Variants in CADM4 observed in about 807,000 individuals in gnomAD.
CADM4 encodes TSLC1-like 2.
Under a neutral mutation model 43.9 loss-of-function variants are expected in CADM4, and 13 were observed. The observed-to-expected ratio is 0.30, with a 90% CI of 0.19 to 0.47. The LOEUF is 0.47. Among genes scored for constraint, CADM4 ranks in the 20% least tolerant of loss-of-function variants. CADM4 has a pLI of 1.00. For synonymous variants in CADM4, 209 were observed against 220.9 expected, an observed-to-expected ratio of 0.95 and a Z score of 0.48; for missense variants, 420 against 527.0, an observed-to-expected ratio of 0.80 and a Z score of 1.99.
rs761491656 is a variant in CADM4 at position 43,623,286 on chromosome 19, G to C, written c.*44C>G. 6.9e-7 allele frequency: 1 copy of C among 1,457,298 alleles called. No individual in the cohort carries two copies. Among genetic ancestry groups the C allele is most frequent in the South Asian group, 1.1e-5 (1 of 88,074 alleles). The allele number at this position is 1,457,298 out of a possible 1,614,324, so 90.3% of individuals were successfully genotyped here. A position where few individuals can be genotyped will look rare whatever the true frequency, so the allele number is the denominator to read the frequency against. On this transcript the variant is annotated 3_prime_UTR_variant, in exon 9 of 9. Transcript: ENST00000222374. This position sits in a 1 kb window ranked among gnomAD's most constrained non-coding sequence, Gnocchi z 4.4. The stretch of plus-strand genomic sequence containing the variant: ...GTTCCTTGCAGCTGGCAGTGGGGGG[G>C]ACCCCAGCCCAGGCCCAGGCCTAGG...
rs1215346353 is a variant in CADM4, at chr19:43,624,994, A to C, written c.928+84T>G. 2.2e-6 allele frequency: 3 copies of C among 1,379,184 alleles called. No individual in the cohort carries two copies. In the African/African-American group the frequency reaches 4.4e-5, roughly 20 times the overall value. 85.4% of individuals were successfully genotyped at this position (1,379,184 alleles called of 1,614,324 possible). ...AACTCTGTTGGCTGCCGAACCCCTG[A>C]GTTATGTGGCCTCTTTGCTCAAGCC... On this transcript the variant is annotated intron_variant, in intron 7 of 8. Transcript: ENST00000222374.
chr19:43,629,906 C>T (rs1358972336), intron 1 of CADM4, among the ~76,000 whole-genome samples: 2 of 151,652 alleles, frequency 1.3e-5, no homozygotes, highest in Non-Finnish European at 2.9e-5. Context: ...TGCGACCCAC[C>T]GCGCCTGGCC....
Position 43,624,186 on chromosome 19 carries a change from T to A in CADM4, c.985A>T (p.Ile329Phe), listed in dbSNP as rs1031144171. The part of the protein sequence containing the change: ...TSVPYAIVGG[I>F]LALLVFLIIC... Reference sequence around the variant, plus strand: ...ATCAGAAACACCAGCAGCGCCAGGATGCCGCCCACAATGGCATAGGGAACC... The same window carrying A: ...ATCAGAAACACCAGCAGCGCCAGGAAGCCGCCCACAATGGCATAGGGAACC... Residue 329 changes from isoleucine to phenylalanine, a missense_variant, in exon 8 of 9, where the codon ATC becomes TTC. Coordinates refer to ENST00000222374, the MANE Select transcript of CADM4 (RefSeq NM_145296.2). 54 of 1,614,080 alleles carry A rather than the reference T, an allele frequency of 3.3e-5. No homozygotes were observed. The highest frequency in any genetic ancestry group is 4.5e-5 in the Non-Finnish European group (53 of 1,180,046).
Position 43,627,600 on chromosome 19 carries a change from CCTCTCT to C in CADM4, c.211+38_211+43del. 6.3e-7 allele frequency: 1 copy of C among 1,581,230 alleles called. No individual in the cohort carries two copies. Among genetic ancestry groups the C allele is most frequent in the Non-Finnish European group, 8.7e-7 (1 of 1,154,826 alleles). ...AGGACATGGGAGCCTGGGCCCCAGC[CCTCTCT>C]TCCTTTAAGACTCCTGAGTCTGGTC... On this transcript the variant is annotated intron_variant, in intron 2 of 8. Transcript: ENST00000222374. This position sits in a 1 kb window ranked among gnomAD's most constrained non-coding sequence, Gnocchi z 4.0.
At chr19:43,624,002 A>G (rs1600093891) in intron 8 of CADM4, 112 bp downstream of exon 8, 11 of 1,368,566 alleles carry the variant, frequency 8.0e-6, no homozygotes, top group Admixed American at 2.3e-5. Flanking sequence ...GTGCGGCGGG[A>G]TTTGGAATCC....
At chr19:43,624,801 A>G (rs1162164135) in intron 7 of CADM4, 2 of 470,576 alleles carry the variant, frequency 4.3e-6, no homozygotes, top group African/African-American at 2.0e-5. Context: ...ACCACCTTAC[A>G]TATTTAGTTC....
At position 43,625,581 on chromosome 19, in the gene CADM4, T is replaced by TAAA. The variant is rs765076336; in HGVS notation, c.755+329_755+330insTTT. ...AGACCCCGTCACTACAATTAAAAAA[T>TAAA]AATAATAATAATAATAATAATTCTA... On this transcript the variant is annotated intron_variant, in intron 6 of 8. Coordinates refer to ENST00000222374, the MANE Select transcript of CADM4 (RefSeq NM_145296.2). This position sits in a 1 kb window ranked among gnomAD's most constrained non-coding sequence, Gnocchi z 4.5. Among the ~76,000 whole-genome samples the TAAA allele has an allele frequency of 6.6e-6, 1 of 150,876 alleles. No individual in the cohort carries two copies. Among genetic ancestry groups the TAAA allele is most frequent in the Non-Finnish European group, 1.5e-5 (1 of 67,800 alleles).
Position 43,624,123 on chromosome 19 carries a change from G to A in CADM4, c.1048C>T (p.Arg350Trp). 6.2e-7 allele frequency: 1 copy of A among 1,614,096 alleles called. No homozygotes were observed. The highest frequency in any genetic ancestry group is 8.5e-7 in the Non-Finnish European group (1 of 1,180,000). ...VLVGMVWCSV[R>W]QKGSYLTHEA... Reference sequence around the variant, plus strand: ...GCCCCGTCCCACTCACCCTTCTGCCGTACCGAGCACCAGACCATGCCCACT... The same window carrying A: ...GCCCCGTCCCACTCACCCTTCTGCCATACCGAGCACCAGACCATGCCCACT... Residue 350 changes from arginine (R) to tryptophan (W), a missense_variant, in exon 8 of 9, where the codon CGG becomes TGG. Coordinates refer to ENST00000222374, the MANE Select transcript of CADM4 (RefSeq NM_145296.2).
chr19:43,627,469 AC>A lies in CADM4; in HGVS notation c.212-152del. On this transcript the variant is annotated intron_variant, in intron 2 of 8. Transcript: ENST00000222374. The surrounding 1 kb of genome is among the most constrained non-coding windows in gnomAD (Gnocchi z 4.0). The stretch of plus-strand genomic sequence containing the variant: ...TGTCCAACTATTTACTCCCTTGAGG[AC>A]CCAGCATTATTCAAGTCCTCCTGCC... 8.2e-7 allele frequency: 1 copy of A among 1,214,646 alleles called. No individual in the cohort carries two copies. The highest frequency in any genetic ancestry group is 2.6e-5 in the East Asian group (1 of 38,676). The allele number at this position is 1,214,646 out of a possible 1,614,324, so 75.2% of individuals were successfully genotyped here. A position where few individuals can be genotyped will look rare whatever the true frequency, so the allele number is the denominator to read the frequency against.
intron 1 of CADM4, among the ~76,000 whole-genome samples, chr19:43,630,955 G>A (rs1434756409): frequency 6.6e-6 from 1 of 152,154 alleles, no homozygotes; most frequent in African/African-American, 2.4e-5. Context: ...TGAGCATCAC[G>A]TAGGTTTTCA....
In CADM4 at chr19:43,626,315, A is replaced by G; in HGVS notation, c.500-27T>C. On this transcript the variant is annotated intron_variant, in intron 4 of 8. Coordinates refer to ENST00000222374, the MANE Select transcript of CADM4 (RefSeq NM_145296.2). The surrounding 1 kb of genome is among the most constrained non-coding windows in gnomAD (Gnocchi z 5.9). ...TGCCACACCCCGGTCAGACACTGTCAGGCCACAATTCCGGCTCCATCCACC... is the reference window on the plus strand; with the variant it reads ...TGCCACACCCCGGTCAGACACTGTCGGGCCACAATTCCGGCTCCATCCACC... 1 of 1,603,884 alleles carries G rather than the reference A, an allele frequency of 6.2e-7. No individual in the cohort carries two copies. The highest frequency in any genetic ancestry group is 8.5e-7 in the Non-Finnish European group (1 of 1,176,804).
intron 1 of CADM4, among the ~76,000 whole-genome samples, chr19:43,631,435 G>C (rs182120211): frequency 1.3e-5 from 2 of 152,102 alleles, no homozygotes; most frequent in East Asian, 3.9e-4. Flanking sequence ...GGGTAGAAAA[G>C]ATTATTTCTG....
At chr19:43,637,829 C>T (rs1381861658) in intron 1 of CADM4, among the ~76,000 whole-genome samples, 2 of 152,102 alleles carry the variant, frequency 1.3e-5, no homozygotes, top group East Asian at 3.8e-4. Flanking sequence ...ATTTTTAAGA[C>T]GTCAAGATGC....
intron 1 of CADM4, among the ~76,000 whole-genome samples, chr19:43,634,000 C>CAGA (rs1401686558): frequency 6.6e-6 from 1 of 152,064 alleles, no homozygotes; most frequent in African/African-American, 2.4e-5. Context: ...CTGGCCCAGA[C>CAGA]AGAATCTCAT....
intron 1 of CADM4, among the ~76,000 whole-genome samples, chr19:43,629,860 G>A (rs1022129642): frequency 2.5e-4 from 38 of 151,738 alleles, no homozygotes; most frequent in African/African-American, 8.5e-4. Context: ...CAAGTGATCC[G>A]CCTGCCTCAG....
Position 43,626,063 on chromosome 19 carries a change from C to A in CADM4, c.664+61G>T. On this transcript the variant is annotated intron_variant, in intron 5 of 8. Coordinates refer to ENST00000222374, the MANE Select transcript of CADM4 (RefSeq NM_145296.2). This position sits in a 1 kb window ranked among gnomAD's most constrained non-coding sequence, Gnocchi z 5.9. ...AGCCATCACGCAGGACAAGGGGGACCCTCGCGGGTGCGGGTGGCTGGCGTT... is the reference window on the plus strand; with the variant it reads ...AGCCATCACGCAGGACAAGGGGGACACTCGCGGGTGCGGGTGGCTGGCGTT... 6.2e-7 allele frequency: 1 copy of A among 1,612,428 alleles called. No homozygotes were observed.
chr19:43,639,694 GCCCGGCCGGCCGAC>G lies in CADM4; in HGVS notation c.64+19_64+32del. ...TCACCACAGCGCGCCCCCCGCCCCAGCCCGGCCGGCCGACCCCGGCCCCCGACCCTACCTGGCCC... is the reference window on the plus strand; with the variant it reads ...TCACCACAGCGCGCCCCCCGCCCCAGCCCGGCCCCCGACCCTACCTGGCCC... On this transcript the variant is annotated intron_variant, in intron 1 of 8. Coordinates refer to ENST00000222374, the MANE Select transcript of CADM4 (RefSeq NM_145296.2). 1 of 934,996 alleles carries G rather than the reference GCCCGGCCGGCCGAC, an allele frequency of 1.1e-6. No homozygotes were observed. The highest frequency in any genetic ancestry group is 5.5e-4 in the Middle Eastern group (1 of 1,812). 57.9% of individuals were successfully genotyped at this position (934,996 alleles called of 1,614,324 possible). A position where few individuals can be genotyped will look rare whatever the true frequency, so the allele number is the denominator to read the frequency against.
rs760938534 is a variant in CADM4 at position 43,626,157 on chromosome 19, T to C, written c.631A>G (p.Ser211Gly). ...TCCAGCACGTACTGCGTCTGCTTGC[T>C]GTGTCCGGAGGGCAGCGCCTGGTTC... ...AQNQALPSGH[S>G]KQTQYVLDVQ... Residue 211 changes from serine to glycine, a missense_variant, in exon 5 of 9, where the codon AGC becomes GGC. By Grantham distance (56) the Ser-to-Gly change is moderately conservative. Coordinates refer to ENST00000222374, the MANE Select transcript of CADM4 (RefSeq NM_145296.2). This position sits in a 1 kb window ranked among gnomAD's most constrained non-coding sequence, Gnocchi z 5.9. 13 of 1,613,888 alleles carry C rather than the reference T, an allele frequency of 8.1e-6. No homozygotes were observed. In the Admixed American group the frequency reaches 1.2e-4, roughly 14 times the overall value.
intron 1 of CADM4, among the ~76,000 whole-genome samples, chr19:43,634,013 C>G (rs1343553055): frequency 6.6e-6 from 1 of 152,136 alleles, no homozygotes; most frequent in Non-Finnish European, 1.5e-5. Context: ...AATCTCATTT[C>G]AGCCCGACAA....
Sources: allele counts gnomAD v4.1 joint callset (sites outside exome capture counted in the v4.1 genomes callset), GRCh38; gene constraint gnomAD v4.1.1; non-coding constraint Gnocchi (gnomAD v3.1); transcripts MANE v1.5; gene names NCBI Gene and HGNC (gene_info 2026-07-23, HGNC 2026-07-21).